SLC4A10: variants seen among roughly 807,000 people sequenced by gnomAD.
SLC4A10 encodes sodium-driven chloride bicarbonate exchanger.
In SLC4A10, 42 loss-of-function variants were observed where a neutral mutation model predicts 137.7. The ratio of observed to expected loss-of-function variants is 0.30; its 90% CI spans 0.24 to 0.39. The LOEUF is 0.39. Among genes scored for constraint, SLC4A10 ranks in the 10% least tolerant of loss-of-function variants. The pLI, the probability that SLC4A10 is intolerant of heterozygous loss-of-function variation, is 1.00. For synonymous variants in SLC4A10, 474 were observed against 464.1 expected, an observed-to-expected ratio of 1.02 and a Z score of -0.27; for missense variants, 925 against 1,355.0, an observed-to-expected ratio of 0.68 and a Z score of 4.98.
chr2:161,965,648 T>C (rs1697447387), intron 23 of SLC4A10, among the ~76,000 whole-genome samples: 1 of 152,170 alleles, frequency 6.6e-6, no homozygotes, highest in South Asian at 2.1e-4. Context: ...GTGAAATGTT[T>C]AGTAGGAAAA....
intron 19 of SLC4A10, among the ~76,000 whole-genome samples, chr2:161,954,876 T>C: frequency 6.6e-6 from 1 of 152,174 alleles, no homozygotes; most frequent in East Asian, 1.9e-4. Context: ...AAACATTCAA[T>C]AAGAGCTATT....
chr2:161,879,406 C>A, intron 9 of SLC4A10, 118 bp downstream of exon 9: 1 of 1,048,372 alleles, frequency 9.5e-7, no homozygotes, highest in Non-Finnish European at 1.3e-6. Flanking sequence ...GTGAAATCCA[C>A]AAAACTACTA....
At chr2:161,624,798 C>T (rs2031948672) in intron 1 of SLC4A10, among the ~76,000 whole-genome samples, 1 of 151,864 alleles carries the variant, frequency 6.6e-6, no homozygotes, top group Admixed American at 6.6e-5. Flanking sequence ...TGAAATGTCT[C>T]ATGTTTGCTG....
chr2:161,666,619 T>G (rs868622362), intron 1 of SLC4A10, among the ~76,000 whole-genome samples: 7 of 151,762 alleles, frequency 4.6e-5, no homozygotes, highest in South Asian at 4.1e-4. Flanking sequence ...ATGTAACAGA[T>G]CTGGCTGATA....
intron 15 of SLC4A10, among the ~76,000 whole-genome samples, chr2:161,906,906 A>T (rs1038037624): frequency 1.4e-4 from 22 of 152,024 alleles, no homozygotes; most frequent in Non-Finnish European, 1.9e-4. Context: ...ACACAAAAAA[A>T]TTAGCCAGGC....
intron 1 of SLC4A10, among the ~76,000 whole-genome samples, chr2:161,697,254 T>C (rs1433120267): frequency 1.3e-5 from 2 of 152,122 alleles, no homozygotes; most frequent in African/African-American, 4.8e-5. Context: ...ATTCTGTAGG[T>C]TGCCTGTTCA....
intron 24 of SLC4A10, among the ~76,000 whole-genome samples, chr2:161,975,387 A>G (rs1271057843): frequency 2.0e-5 from 3 of 152,190 alleles, no homozygotes; most frequent in East Asian, 1.9e-4. Flanking sequence ...CACAATGCAT[A>G]TTAGCAAATG....
intron 15 of SLC4A10, among the ~76,000 whole-genome samples, chr2:161,918,039 T>C (rs1687448751): frequency 6.6e-6 from 1 of 152,254 alleles, no homozygotes; most frequent in Non-Finnish European, 1.5e-5. Context: ...TGTGGGTCAC[T>C]GGTTTGTACA....
chr2:161,823,892 T>C (rs9636283), intron 3 of SLC4A10, among the ~76,000 whole-genome samples: 10,097 of 152,284 alleles, frequency 0.066, 437 homozygotes, highest in East Asian at 0.15. Flanking sequence ...CAATTGCCGC[T>C]AGGTTTATGA....
chr2:161,806,390 T>C (rs1346724076), intron 3 of SLC4A10, among the ~76,000 whole-genome samples: 1 of 152,186 alleles, frequency 6.6e-6, no homozygotes, highest in Admixed American at 6.5e-5. Context: ...GAATTTCTCC[T>C]CAGAAAATGG....
intron 3 of SLC4A10, among the ~76,000 whole-genome samples, chr2:161,839,024 G>T (rs1468651520): frequency 6.6e-6 from 1 of 152,184 alleles, no homozygotes; most frequent in South Asian, 2.1e-4. Flanking sequence ...ACTTATAGCA[G>T]TTGTATTTAT....
chr2:161,631,562 A>G (rs192459912), intron 1 of SLC4A10, among the ~76,000 whole-genome samples: 11 of 151,792 alleles, frequency 7.2e-5, no homozygotes, highest in African/African-American at 2.2e-4. Flanking sequence ...CTTGGAATAT[A>G]TCTTCAAAGC....
chr2:161,742,781 C>A (rs1003525685), intron 1 of SLC4A10, among the ~76,000 whole-genome samples: 1 of 151,956 alleles, frequency 6.6e-6, no homozygotes, highest in Non-Finnish European at 1.5e-5. Context: ...TTTGTTATTG[C>A]CTGTATTTTG....
intron 1 of SLC4A10, among the ~76,000 whole-genome samples, chr2:161,721,440 A>G (rs2045660903): frequency 6.6e-6 from 1 of 152,166 alleles, no homozygotes. Flanking sequence ...TCCTTCACTT[A>G]TGAAGCGTGG....
chr2:161,890,742 C>T (rs2062827899), intron 10 of SLC4A10, among the ~76,000 whole-genome samples: 1 of 152,142 alleles, frequency 6.6e-6, no homozygotes, highest in South Asian at 2.1e-4. Flanking sequence ...GACTCTTTAT[C>T]CAAGTTGCCA....
At chr2:161,811,619 AT>A (rs2056560101) in intron 3 of SLC4A10, among the ~76,000 whole-genome samples, 1 of 152,008 alleles carries the variant, frequency 6.6e-6, no homozygotes, top group Non-Finnish European at 1.5e-5. Flanking sequence ...CGCCTTCTTC[AT>A]CATTCTCCAA....
chr2:161,899,106 A>C (rs2063822988), intron 11 of SLC4A10, among the ~76,000 whole-genome samples: 1 of 152,076 alleles, frequency 6.6e-6, no homozygotes, highest in African/African-American at 2.4e-5. Flanking sequence ...ACTATTGATG[A>C]AATAGCCAAA....
At chr2:161,787,717 G>A (rs1361309787) in intron 2 of SLC4A10, among the ~76,000 whole-genome samples, 1 of 151,958 alleles carries the variant, frequency 6.6e-6, no homozygotes, top group East Asian at 1.9e-4. Context: ...TTTTGTTAAT[G>A]TTTTCAATTG....
chr2:161,655,265 G>A (rs2037350552), intron 1 of SLC4A10, among the ~76,000 whole-genome samples: 1 of 151,678 alleles, frequency 6.6e-6, no homozygotes, highest in South Asian at 2.1e-4. Context: ...TTTTTTGGTG[G>A]GATATTTAGG....
Sources: allele counts gnomAD v4.1 joint callset (sites outside exome capture counted in the v4.1 genomes callset), GRCh38; gene constraint gnomAD v4.1.1; transcripts MANE v1.5; gene names NCBI Gene and HGNC (gene_info 2026-07-23, HGNC 2026-07-21).